KDM2A: variants seen among roughly 807,000 people sequenced by gnomAD.
KDM2A encodes the protein lysine demethylase 2A.
Under a neutral mutation model 137.3 loss-of-function variants are expected in KDM2A, and 3 were observed. The ratio of observed to expected loss-of-function variants is 0.02; its 90% confidence interval spans 0.01 to 0.06. The LOEUF (loss-of-function observed/expected upper bound fraction) is 0.06. Ranked by LOEUF, KDM2A falls within the 10% of genes least tolerant of loss-of-function variation. The probability of loss-of-function intolerance (pLI) is 1.00; values close to 1 mark genes in which losing one functional copy is unlikely to be tolerated. For synonymous variants in KDM2A, 512 were observed against 541.5 expected, an observed-to-expected ratio of 0.95 and a Z score of 0.76; for missense variants, 738 against 1,510.6, an observed-to-expected ratio of 0.49 and a Z score of 8.48.
intron 5 of KDM2A, among the ~76,000 whole-genome samples, chr11:67,186,990 G>A (rs1351942725): frequency 1.3e-5 from 2 of 152,160 alleles, no homozygotes; most frequent in African/African-American, 2.4e-5. Context: ...ATAAGGATGT[G>A]GTTTTGTGAC....
At chr11:67,195,790 G>T (rs1305484106) in intron 5 of KDM2A, 1 of 199,514 alleles carries the variant, frequency 5.0e-6, no homozygotes, top group South Asian at 9.0e-5. Flanking sequence ...TTGTCAGCTT[G>T]TCCTAATTTA....
chr11:67,195,369 CAAAAAAAAAAAA>C (rs34494813), intron 5 of KDM2A, among the ~76,000 whole-genome samples: 3 of 65,232 alleles, frequency 4.6e-5, no homozygotes, highest in East Asian at 5.8e-4. Flanking sequence ...ACTCCGTCTC[CAAAAAAAAAAAA>C]AAAAAAAAAA....
intron 2 of KDM2A, among the ~76,000 whole-genome samples, chr11:67,170,396 TTTTCTTTC>T (rs1172632135): frequency 6.7e-6 from 1 of 148,706 alleles, no homozygotes. Context: ...GGTTTTTTTT[TTTTCTTTC>T]TTTCTTTTTT....
At chr11:67,125,172 T>C (rs558305544) in intron 2 of KDM2A, among the ~76,000 whole-genome samples, 1 of 151,574 alleles carries the variant, frequency 6.6e-6, no homozygotes, top group South Asian at 2.1e-4. Flanking sequence ...GGAGGGAACT[T>C]TCTTTTTTTT....
chr11:67,120,239 AG>A (rs1306733615), intron 1 of KDM2A, among the ~76,000 whole-genome samples, 190 bp downstream of exon 1: 1 of 152,128 alleles, frequency 6.6e-6, no homozygotes, highest in Admixed American at 6.6e-5. Flanking sequence ...GTCGTCGCCC[AG>A]GGGGTGCAAG....
intron 12 of KDM2A, among the ~76,000 whole-genome samples, chr11:67,242,630 G>A (rs981707355): frequency 1.3e-5 from 2 of 152,128 alleles, no homozygotes; most frequent in Non-Finnish European, 2.9e-5. Context: ...TAAGGGATTG[G>A]GAACAAAGGT....
intron 10 of KDM2A, among the ~76,000 whole-genome samples, chr11:67,222,007 GA>G (rs911647820): frequency 1.3e-4 from 17 of 131,550 alleles, no homozygotes; most frequent in South Asian, 7.5e-4. Context: ...TGTTTCAAAA[GA>G]AAAAAAATGT....
At chr11:67,128,078 T>G (rs1446789448) in intron 2 of KDM2A, among the ~76,000 whole-genome samples, 3 of 139,190 alleles carry the variant, frequency 2.2e-5, no homozygotes, top group African/African-American at 7.9e-5. Context: ...GCAATGGCAC[T>G]ACCACTGCAG....
chr11:67,135,866 G>T (rs1453765976), intron 2 of KDM2A, among the ~76,000 whole-genome samples: 1 of 151,990 alleles, frequency 6.6e-6, no homozygotes, highest in East Asian at 1.9e-4. Flanking sequence ...GGAATTCAAT[G>T]GTGCACACCC....
rs1216487656 is a variant in KDM2A, at chr11:67,254,727, A to G, written c.3308-147A>G. On this transcript the variant is annotated intron_variant, in intron 20 of 20. Coordinates refer to ENST00000529006, the MANE Select transcript of KDM2A (RefSeq NM_012308.3). The surrounding 1 kb of genome is among the most constrained non-coding windows in gnomAD (Gnocchi z 4.7). ...CAGCAGGGTCCCTTTGGAGGTGCTG[A>G]TGGCACTTCTGGTCTCTGAGCCAGG... The G allele has an allele frequency of 3.8e-5, 28 of 730,396 alleles. No individual in the cohort carries two copies. In the East Asian group the frequency reaches 6.7e-4, roughly 18 times the overall value. The allele number at this position is 730,396 out of a possible 1,614,324, so 45.2% of individuals were successfully genotyped here. A position where few individuals can be genotyped will look rare whatever the true frequency, so the allele number is the denominator to read the frequency against.
At chr11:67,157,931 A>G (rs1034725867) in intron 2 of KDM2A, among the ~76,000 whole-genome samples, 2 of 152,042 alleles carry the variant, frequency 1.3e-5, no homozygotes, top group African/African-American at 4.8e-5. Context: ...CGCAAAAGAA[A>G]GAGAGAGATA....
chr11:67,215,667 T>C, intron 7 of KDM2A, 189 bp from the exon 8 acceptor site: 1 of 632,326 alleles, frequency 1.6e-6, no homozygotes, highest in South Asian at 2.0e-5. Flanking sequence ...TTTTAGTCAA[T>C]ACGGTAGAAA....
rs536245629 is a variant in KDM2A, at chr11:67,255,126, G to A, written c.*71G>A. 68 of 1,389,400 alleles carry A rather than the reference G, an allele frequency of 4.9e-5. No individual in the cohort carries two copies. The East Asian group carries it at 1.5e-3, about 30-fold the overall frequency. 86.1% of individuals were successfully genotyped at this position (1,389,400 alleles called of 1,614,324 possible). A position where few individuals can be genotyped will look rare whatever the true frequency, so the allele number is the denominator to read the frequency against. On this transcript the variant is annotated 3_prime_UTR_variant, in exon 21 of 21. Transcript: ENST00000529006. ...TCCCCACCGAGGAGAGCCTCTCCTC[G>A]ACCCTGCACGGGCTCTGAGGCCAGC... is the stretch of plus-strand genomic sequence containing the variant.
At chr11:67,212,261 T>G (rs1020353370) in intron 6 of KDM2A, among the ~76,000 whole-genome samples, 2 of 152,024 alleles carry the variant, frequency 1.3e-5, no homozygotes, top group African/African-American at 4.8e-5. Context: ...ATAAAAGAAA[T>G]AATGAAGCAA....
At chr11:67,169,342 A>C (rs901037909) in intron 2 of KDM2A, among the ~76,000 whole-genome samples, 3 of 151,420 alleles carry the variant, frequency 2.0e-5, no homozygotes, top group Admixed American at 1.3e-4. Flanking sequence ...ATGAAAATCT[A>C]ATAGTGACAA....
At chr11:67,232,113 T>C (rs1396902926) in intron 12 of KDM2A, among the ~76,000 whole-genome samples, 153 bp downstream of exon 12, 1 of 152,204 alleles carries the variant, frequency 6.6e-6, no homozygotes, top group African/African-American at 2.4e-5. Context: ...CTGCTCAGTG[T>C]TTTCATTACT....
At chr11:67,216,892 C>T (rs1858178343) in intron 8 of KDM2A, among the ~76,000 whole-genome samples, 1 of 150,360 alleles carries the variant, frequency 6.7e-6, no homozygotes, top group Non-Finnish European at 1.5e-5. Context: ...TGCACTCTAG[C>T]CTGGGCAACA....
At chr11:67,251,911 C>T (rs1859439992) in intron 17 of KDM2A, among the ~76,000 whole-genome samples, 1 of 152,168 alleles carries the variant, frequency 6.6e-6, no homozygotes, top group African/African-American at 2.4e-5. Flanking sequence ...TTGGCTCTAC[C>T]TCTTGGTTTT....
At chr11:67,168,119 AG>A in intron 2 of KDM2A, among the ~76,000 whole-genome samples, 1 of 152,258 alleles carries the variant, frequency 6.6e-6, no homozygotes, top group Admixed American at 6.5e-5. Flanking sequence ...TTTAGAAGAA[AG>A]TTTTATATAT....
Sources: gnomAD v4.1 joint callset for allele counts (sites outside exome capture counted in the v4.1 genomes callset) on GRCh38, gnomAD v4.1.1 for gene constraint, Gnocchi (gnomAD v3.1) non-coding constraint, MANE v1.5 for transcripts, NCBI Gene and HGNC (gene_info 2026-07-23, HGNC 2026-07-21) for gene names.